The following SLC38A10 variants were observed in gnomAD, a reference collection of about 807,000 sequenced individuals.
SLC38A10 encodes the protein Sodium-coupled neutral amino acid transporter 10.
In SLC38A10, 53 loss-of-function variants were observed where a neutral mutation model predicts 81.0. The ratio of observed to expected loss-of-function variants is 0.65; its 90% CI spans 0.53 to 0.82. SLC38A10 has a LOEUF of 0.82. Among genes scored for constraint, SLC38A10 ranks in the 40% least tolerant of loss-of-function variants. The pLI is 0.00. For missense variants in SLC38A10, 1,471 were observed against 1,545.0 expected (o/e 0.95, Z 0.80); for synonymous variants, 665 against 655.3 (o/e 1.01, Z -0.23).
chr17:81,276,976 C>T lies in SLC38A10; in HGVS notation c.729+55G>A, dbSNP rs890506369. 13 of 1,554,668 alleles carry T rather than the reference C, an allele frequency of 8.4e-6. No individual in the cohort carries two copies. The East Asian group carries it at 9.0e-5, about 11-fold the overall frequency. On this transcript the variant is annotated intron_variant, in intron 7 of 15. Transcript: ENST00000374759. This position sits in a 1 kb window ranked among gnomAD's most constrained non-coding sequence, Gnocchi z 4.7. ...CCTGTGGCAGTCCCACGGGGCACCA[C>T]GGCACATCATGCTGGCATGACACAG... is the stretch of plus-strand genomic sequence containing the variant.
Position 81,280,154 on chromosome 17 carries a change from C to T in SLC38A10, c.626+455G>A, listed in dbSNP as rs939737438. On this transcript the variant is annotated intron_variant, in intron 6 of 15. Transcript: ENST00000374759. ...TATGGAAGAGCCCGATCCACATTTA[C>T]AGAGCCCTGCGTGCCAGAGAGAAAG... The T allele has an allele frequency of 1.1e-5, 5 of 454,536 alleles. No individual in the cohort carries two copies. In the Admixed American group the frequency reaches 1.2e-4, roughly 11 times the overall value. The allele number at this position is 454,536 out of a possible 1,614,324, so 28.2% of individuals were successfully genotyped here. A position where few individuals can be genotyped will look rare whatever the true frequency, so the allele number is the denominator to read the frequency against.
chr17:81,256,513 C>T (rs1015271595), intron 11 of SLC38A10, among the ~76,000 whole-genome samples: 9 of 152,332 alleles, frequency 5.9e-5, no homozygotes, highest in Middle Eastern at 3.4e-3. Flanking sequence ...TGGAGACAGT[C>T]ACATCAGACG....
At position 81,270,830 on chromosome 17, in the gene SLC38A10, G is replaced by A. The variant is rs754214165; in HGVS notation, c.1131+88C>T. 6 of 1,122,312 alleles carry A rather than the reference G, an allele frequency of 5.3e-6. No homozygotes were observed. Among genetic ancestry groups the A allele is most frequent in the East Asian group, 2.4e-5 (1 of 41,916 alleles). 69.5% of individuals were successfully genotyped at this position (1,122,312 alleles called of 1,614,324 possible). Reference sequence around the variant, plus strand: ...TTCTTGATAGAACCCATCTGAAAACGCTGAACCAGGGGCTTCCTCCCGCCT... The same window carrying A: ...TTCTTGATAGAACCCATCTGAAAACACTGAACCAGGGGCTTCCTCCCGCCT... On this transcript the variant is annotated intron_variant, in intron 10 of 15. Coordinates refer to ENST00000374759, the MANE Select transcript of SLC38A10 (RefSeq NM_001037984.3). This position sits in a 1 kb window ranked among gnomAD's most constrained non-coding sequence, Gnocchi z 4.0.
At chr17:81,260,518 A>C in intron 10 of SLC38A10, 124 bp from the exon 11 acceptor site, 1 of 1,291,358 alleles carries the variant, frequency 7.7e-7, no homozygotes, top group Non-Finnish European at 1.0e-6. Flanking sequence ...GGACATGACA[A>C]AGTCCCCCGA....
In SLC38A10 at chr17:81,251,532, C is replaced by T. The variant is rs1336283076; in HGVS notation, c.2026G>A (p.Glu676Lys). 1.3e-6 allele frequency: 2 copies of T among 1,568,684 alleles called. No individual in the cohort carries two copies. The highest frequency in any genetic ancestry group is 1.7e-6 in the Non-Finnish European group (2 of 1,161,608). Reference protein sequence around the residue: ...PPEPREQRDVERAGGNQAASQ... With the variant: ...PPEPREQRDVKRAGGNQAASQ... ...GCCGCCTGGTTTCCACCCGCTCGCT[C>T]CACGTCCCTCTGCTCGCGAGGCTCG... The change falls in exon 14 of 16, where the codon GAG becomes AAG. Residue 676 changes from glutamate to lysine, a missense_variant. Glu to Lys is a moderately conservative substitution (Grantham distance 56, BLOSUM62 1). Around this residue, in one of 2 missense-constraint regions of SLC38A10, gnomAD observed 751 missense variants for 717.4 expected, o/e 1.05. Coordinates refer to ENST00000374759, the MANE Select transcript of SLC38A10 (RefSeq NM_001037984.3).
chr17:81,284,858 C>T lies in SLC38A10; in HGVS notation c.255G>A (p.Val85=). ...HAYGKAGKML[V]ETSMIGLMLG... Reference sequence around the variant, plus strand: ...GGCAGGGCGGGGCTTACCTGGTCTCCACCAGCATCTTGCCTGCCTTCCCGT... The same window carrying T: ...GGCAGGGCGGGGCTTACCTGGTCTCTACCAGCATCTTGCCTGCCTTCCCGT... Residue 85 remains valine, a synonymous_variant, in exon 3 of 16, where the codon GTG becomes GTA. Coordinates refer to ENST00000374759, the MANE Select transcript of SLC38A10 (RefSeq NM_001037984.3). 1 of 1,544,688 alleles carries T rather than the reference C, an allele frequency of 6.5e-7. No individual in the cohort carries two copies. The highest frequency in any genetic ancestry group is 8.7e-7 in the Non-Finnish European group (1 of 1,143,800).
intron 10 of SLC38A10, among the ~76,000 whole-genome samples, chr17:81,266,562 T>G (rs1191201496): frequency 6.8e-6 from 1 of 146,758 alleles, no homozygotes; most frequent in African/African-American, 2.5e-5. Flanking sequence ...GGGCTTGCAG[T>G]GAGCAGAGAT....
chr17:81,246,196 A>G lies in SLC38A10; in HGVS notation c.2720T>C (p.Leu907Pro). Reference sequence around the variant, plus strand: ...TGCCACGAGCCAGTTGGCTTCCTTCAGAATGCTGGTGCCAGTGGCTGCCAC... The same window carrying G: ...TGCCACGAGCCAGTTGGCTTCCTTCGGAATGCTGGTGCCAGTGGCTGCCAC... The part of the protein sequence containing the change: ...KEVAATGTSI[L>P]KEANWLVAGP... The change falls in exon 16 of 16, where the codon CTG (leucine) becomes CCG (proline). Residue 907 changes from leucine to proline, a missense_variant. Around this residue, in one of 2 missense-constraint regions of SLC38A10, gnomAD observed 751 missense variants for 717.4 expected, o/e 1.05. Transcript: ENST00000374759. 1 of 1,612,640 alleles carries G rather than the reference A, an allele frequency of 6.2e-7. No homozygotes were observed. The highest frequency in any genetic ancestry group is 8.5e-7 in the Non-Finnish European group (1 of 1,179,930).
rs773740551 is a variant in SLC38A10 at position 81,245,885 on chromosome 17, C to T, written c.3031G>A (p.Glu1011Lys). 1 of 1,612,276 alleles carries T rather than the reference C, an allele frequency of 6.2e-7. No homozygotes were observed. Among genetic ancestry groups the T allele is most frequent in the Non-Finnish European group, 8.5e-7 (1 of 1,179,628 alleles). Residue 1011 changes from glutamate to lysine, a missense_variant, in exon 16 of 16, where the codon GAG becomes AAG. By Grantham distance (56) the Glu-to-Lys change is moderately conservative. Around this residue, in one of 2 missense-constraint regions of SLC38A10, gnomAD observed 751 missense variants for 717.4 expected, o/e 1.05. Coordinates refer to ENST00000374759, the MANE Select transcript of SLC38A10 (RefSeq NM_001037984.3). ...TCTGGCTCTGGCCTCTGCCTGGGCT[C>T]CTGGACAGCAGCGTCCTCCCCGCCT... ...PRGGEDAAVQ[E>K]PRQRPEPELG...
Position 81,276,226 on chromosome 17 carries a change from C to T in SLC38A10, c.730-75G>A. ...GTGGCACCTGTCACAGTGGGCAGGG[C>T]ATGGGGGGGACCTGTGCCCTGCCCC... On this transcript the variant is annotated intron_variant, in intron 7 of 15. Coordinates refer to ENST00000374759, the MANE Select transcript of SLC38A10 (RefSeq NM_001037984.3). This position sits in a 1 kb window ranked among gnomAD's most constrained non-coding sequence, Gnocchi z 4.7. 7.1e-7 allele frequency: 1 copy of T among 1,416,428 alleles called. No homozygotes were observed. Among genetic ancestry groups the T allele is most frequent in the African/African-American group, 1.4e-5 (1 of 70,110 alleles). 87.7% of individuals were successfully genotyped at this position (1,416,428 alleles called of 1,614,324 possible).
intron 11 of SLC38A10, among the ~76,000 whole-genome samples, chr17:81,254,367 T>C (rs914334233): frequency 1.3e-5 from 2 of 152,234 alleles, no homozygotes; most frequent in Admixed American, 1.3e-4. Flanking sequence ...AGACAAACTG[T>C]AGAGGGAAGG....
chr17:81,256,410 C>T (rs769697348), intron 11 of SLC38A10, among the ~76,000 whole-genome samples: 16 of 152,230 alleles, frequency 1.1e-4, no homozygotes, highest in Non-Finnish European at 1.0e-4. Context: ...AGCGACGCTG[C>T]CGTCCGGACC....
intron 9 of SLC38A10, among the ~76,000 whole-genome samples, chr17:81,272,036 ATT>A (rs754299651): frequency 2.0e-4 from 29 of 143,920 alleles, no homozygotes; most frequent in Admixed American, 4.1e-4. Flanking sequence ...AAGCTGCCAG[ATT>A]TTTTTTTTTT....
In SLC38A10 at chr17:81,282,335, G is replaced by T. The variant is rs1388085072; in HGVS notation, c.358-3C>A. The T allele has an allele frequency of 1.2e-6, 2 of 1,606,294 alleles. No individual in the cohort carries two copies. Among genetic ancestry groups the T allele is most frequent in the Non-Finnish European group, 8.5e-7 (1 of 1,176,768 alleles). On this transcript the variant is annotated splice_polypyrimidine_tract_variant and splice_region_variant and intron_variant, in intron 4 of 15. Transcript: ENST00000374759. ...AACATGCGGAAGGTGCCGCCCACCTGCGGGGAGCCGGCAGGGGGTCTTGGC... is the reference window on the plus strand; with the variant it reads ...AACATGCGGAAGGTGCCGCCCACCTTCGGGGAGCCGGCAGGGGGTCTTGGC...
intron 4 of SLC38A10, among the ~76,000 whole-genome samples, 164 bp from the exon 5 acceptor site, chr17:81,282,496 C>A (rs1294055281): frequency 6.6e-6 from 1 of 152,222 alleles, no homozygotes; most frequent in Non-Finnish European, 1.5e-5. Flanking sequence ...AAGCCGCTCT[C>A]ACAGCCACTG....
intron 11 of SLC38A10, among the ~76,000 whole-genome samples, chr17:81,257,814 C>T (rs1442783645): frequency 6.6e-6 from 1 of 152,236 alleles, no homozygotes; most frequent in Non-Finnish European, 1.5e-5. Context: ...GCTGGGGGAG[C>T]GGGGACGAGG....
rs1035273470 is a variant in SLC38A10 at position 81,294,192 on chromosome 17, G to A, written c.99+631C>T. Among the ~76,000 whole-genome samples, 8 of 151,856 alleles carry A rather than the reference G, an allele frequency of 5.3e-5. No homozygotes were observed. In the South Asian group the frequency reaches 1.7e-3, roughly 32 times the overall value. ...ATTACAGGCATGTGCCACCACCCCC[G>A]GCTAATTTTTGTATTTTCAGTAGAG... On this transcript the variant is annotated intron_variant, in intron 1 of 15. Transcript: ENST00000374759.
chr17:81,252,121 T>C, intron 13 of SLC38A10, 74 bp downstream of exon 13: 1 of 1,480,518 alleles, frequency 6.8e-7, no homozygotes, highest in African/African-American at 1.4e-5. Context: ...GAACCATCGA[T>C]TCTGCTGCCC....
chr17:81,291,486 C>CAAAAAAAA (rs397856930), intron 1 of SLC38A10, among the ~76,000 whole-genome samples: 1 of 112,036 alleles, frequency 8.9e-6, no homozygotes. Context: ...GACTCCATCT[C>CAAAAAAAA]AAAAAAAAAA....
Sources: gnomAD v4.1 joint callset for allele counts (sites outside exome capture counted in the v4.1 genomes callset) on GRCh38, gnomAD v4.1.1 for gene constraint, gnomAD v4.1.1 regional missense constraint, Gnocchi (gnomAD v3.1) non-coding constraint, MANE v1.5 for transcripts, NCBI Gene and HGNC (gene_info 2026-07-23, HGNC 2026-07-21) for gene names.